ARAP2: variants seen among roughly 807,000 people sequenced by gnomAD.
ARAP2 encodes arf-GAP with Rho-GAP domain, ANK repeat and PH domain-containing protein 2.
In ARAP2, 148 loss-of-function variants were observed where a neutral mutation model predicts 194.5. The observed-to-expected ratio is 0.76, with a 90% CI of 0.67 to 0.87. ARAP2 has a LOEUF of 0.87. ARAP2 is among the 40% of genes least tolerant of loss of function. The pLI is 0.00. For missense variants in ARAP2, 2,128 were observed against 1,989.7 expected (o/e 1.07, Z -1.32); for synonymous variants, 695 against 683.5 (o/e 1.02, Z -0.26).
chr4:36,196,355 C>T (rs1330351206), intron 6 of ARAP2, among the ~76,000 whole-genome samples: 1 of 152,146 alleles, frequency 6.6e-6, no homozygotes, highest in East Asian at 1.9e-4. Context: ...GCTTAAGGAT[C>T]AGTCGAAGAT....
intron 19 of ARAP2, among the ~76,000 whole-genome samples, chr4:36,145,569 G>T (rs574068972): frequency 8.6e-5 from 13 of 151,968 alleles, no homozygotes; most frequent in African/African-American, 3.1e-4. Context: ...CTACCTATTG[G>T]GTGCTACGGT....
At chr4:36,158,326 A>C (rs1205457653) in intron 15 of ARAP2, among the ~76,000 whole-genome samples, 1 of 152,114 alleles carries the variant, frequency 6.6e-6, no homozygotes, top group African/African-American at 2.4e-5. Context: ...GAACTATTTG[A>C]TATTACTTAG....
chr4:36,056,439 T>C (rs1723526581), intron 2 of ARAP2, among the ~76,000 whole-genome samples: 1 of 152,244 alleles, frequency 6.6e-6, no homozygotes, highest in South Asian at 2.1e-4. Flanking sequence ...GTTTCCTGCC[T>C]TAAAGACAAC....
chr4:36,014,300 GA>G lies in ARAP2; in HGVS notation n.1056+1085del, dbSNP rs1560264653. Among the ~76,000 whole-genome samples, 110 of 74,480 alleles carry G rather than the reference GA, an allele frequency of 1.5e-3. 1 individual carries two copies. The highest frequency in any genetic ancestry group is 4.9e-3 in the African/African-American group (66 of 13,518). 48.9% of individuals were successfully genotyped at this position (74,480 alleles called of 152,430 possible). A position where few individuals can be genotyped will look rare whatever the true frequency, so the allele number is the denominator to read the frequency against. ...AAGAAAGAAAGAAAGAAAGAAAGAAGAGAAGGAAGGAAAGAAAGAAAGAGAG... is the reference window on the plus strand; with the variant it reads ...AAGAAAGAAAGAAAGAAAGAAAGAAGGAAGGAAGGAAAGAAAGAAAGAGAG... On this transcript the variant is annotated intron_variant and non_coding_transcript_variant, in intron 8 of 12. Transcript: ENST00000503225.
chr4:36,084,524 T>C (rs1322456090), intron 28 of ARAP2, among the ~76,000 whole-genome samples: 2 of 152,266 alleles, frequency 1.3e-5, no homozygotes, highest in African/African-American at 4.8e-5. Flanking sequence ...TGAACACATA[T>C]TGAGGTATCT....
chr4:36,035,186 A>C (rs566791630), intron 5 of ARAP2, among the ~76,000 whole-genome samples: 2 of 152,072 alleles, frequency 1.3e-5, no homozygotes, highest in South Asian at 4.2e-4. Flanking sequence ...CATCTTGTAT[A>C]ATTCATCTGT....
intron 20 of ARAP2, among the ~76,000 whole-genome samples, chr4:36,131,980 A>G (rs969314283): frequency 6.6e-6 from 1 of 151,818 alleles, no homozygotes; most frequent in Non-Finnish European, 1.5e-5. Context: ...ATATATAACA[A>G]AAACATAATG....
At chr4:36,223,433 T>C (rs112602842) in intron 2 of ARAP2, among the ~76,000 whole-genome samples, 29 of 152,218 alleles carry the variant, frequency 1.9e-4, no homozygotes, top group African/African-American at 6.7e-4. Context: ...TGACCTACTA[T>C]AAACAGTCGT....
chr4:36,163,140 G>A (rs1734478700), intron 11 of ARAP2, among the ~76,000 whole-genome samples: 1 of 151,938 alleles, frequency 6.6e-6, no homozygotes, highest in South Asian at 2.1e-4. Flanking sequence ...AATGAGTGTG[G>A]AATTAAAGTG....
chr4:36,065,567 C>A, downstream of ARAP2: 1 of 222,656 alleles, frequency 4.5e-6, no homozygotes, highest in South Asian at 4.8e-5. Context: ...CCAGTCAGCT[C>A]CTTCCTACAG....
rs560270474 is a variant in ARAP2, at chr4:36,091,424, C to T, written c.4425+457G>A. On this transcript the variant is annotated intron_variant, in intron 28 of 32. Coordinates refer to ENST00000303965, the MANE Select transcript of ARAP2 (RefSeq NM_015230.4). ...TAGACGGAATATATCAATAAGATTA[C>T]ATTAATACATATGAAATTAAAAATA... is the stretch of plus-strand genomic sequence containing the variant. 2.3e-3 allele frequency among the ~76,000 whole-genome samples: 343 copies of T among 152,184 alleles called. 1 individual carries two copies. Among genetic ancestry groups the T allele is most frequent in the Middle Eastern group, 3.4e-3 (1 of 292 alleles).
intron 28 of ARAP2, among the ~76,000 whole-genome samples, chr4:36,091,468 T>C (rs1713632737): frequency 6.6e-6 from 1 of 152,188 alleles, no homozygotes; most frequent in Non-Finnish European, 1.5e-5. Flanking sequence ...CATTCAACCA[T>C]ATAGGAAAGA....
At chr4:36,183,025 A>G (rs1221947163) in intron 8 of ARAP2, among the ~76,000 whole-genome samples, 1 of 152,170 alleles carries the variant, frequency 6.6e-6, no homozygotes, top group Non-Finnish European at 1.5e-5. Flanking sequence ...TTGGGGCCCC[A>G]CAATCGAGTA....
chr4:36,243,094 T>TTAAA (rs1753845757), intron 1 of ARAP2, among the ~76,000 whole-genome samples: 1 of 148,172 alleles, frequency 6.7e-6, no homozygotes, highest in African/African-American at 2.5e-5. Flanking sequence ...AAATAAGAGT[T>TTAAA]AAAAAAAAAA....
chr4:36,078,591 C>T (rs902024496), intron 31 of ARAP2, among the ~76,000 whole-genome samples: 9 of 152,154 alleles, frequency 5.9e-5, no homozygotes, highest in Admixed American at 5.2e-4. Context: ...AAGGGAGGAC[C>T]TGAATAATAC....
intron 2 of ARAP2, among the ~76,000 whole-genome samples, chr4:36,056,687 G>A (rs1177792535): frequency 6.6e-6 from 1 of 151,962 alleles, no homozygotes; most frequent in Non-Finnish European, 1.5e-5. Flanking sequence ...TTTTCAGTGT[G>A]ACCTGTTTTT....
In ARAP2 at chr4:36,025,360, A is replaced by G. The variant is rs372468506; in HGVS notation, n.608-6074T>C. 2.0e-5 allele frequency among the ~76,000 whole-genome samples: 3 copies of G among 152,220 alleles called. No homozygotes were observed. The East Asian group carries it at 5.8e-4, about 29-fold the overall frequency. Reference sequence around the variant, plus strand: ...CTTAGTGGTAATAATTTTTCAACTAATTAAAGACCAGCTGCTACTTAGCAA... The same window carrying G: ...CTTAGTGGTAATAATTTTTCAACTAGTTAAAGACCAGCTGCTACTTAGCAA... On this transcript the variant is annotated intron_variant and non_coding_transcript_variant, in intron 5 of 12. Coordinates refer to the ARAP2 transcript ENST00000503225.
chr4:36,155,077 A>T (rs1731929783), intron 15 of ARAP2, among the ~76,000 whole-genome samples: 1 of 152,234 alleles, frequency 6.6e-6, no homozygotes, highest in South Asian at 2.1e-4. Context: ...CAAAACAAAA[A>T]TATTGATATA....
intron 26 of ARAP2, 110 bp downstream of exon 26, chr4:36,114,057 TAAA>T: frequency 1.2e-6 from 1 of 819,488 alleles, no homozygotes; most frequent in South Asian, 1.6e-5. Context: ...TGCACTAAGG[TAAA>T]AAAAATCATA....
Sources: allele counts gnomAD v4.1 joint callset (sites outside exome capture counted in the v4.1 genomes callset), GRCh38; gene constraint gnomAD v4.1.1; transcripts MANE v1.5; gene names NCBI Gene and HGNC (gene_info 2026-07-23, HGNC 2026-07-21).